ABLIM2: variants seen among roughly 807,000 people sequenced by gnomAD.
ABLIM2 encodes actin binding LIM protein family member 2.
Under a neutral mutation model 97.7 loss-of-function variants are expected in ABLIM2, and 53 were observed. The ratio of observed to expected loss-of-function variants is 0.54; its 90% confidence interval spans 0.44 to 0.68. The LOEUF is 0.68. Ranked by LOEUF, ABLIM2 falls within the 30% of genes least tolerant of loss-of-function variation. The pLI, the probability that ABLIM2 is intolerant of heterozygous loss-of-function variation, is 0.00. For synonymous variants in ABLIM2, 361 were observed against 345.8 expected (o/e 1.04, Z -0.49); for missense variants, 835 against 867.2 (o/e 0.96, Z 0.47).
At chr4:8,156,380 T>A (rs190990630) in intron 1 of ABLIM2, among the ~76,000 whole-genome samples, 227 of 152,304 alleles carry the variant, frequency 1.5e-3, no homozygotes, top group African/African-American at 5.3e-3. Flanking sequence ...AGCTAGGACA[T>A]TGGATTCGGA....
intron 1 of ABLIM2, among the ~76,000 whole-genome samples, chr4:8,146,250 G>T (rs1578519781): frequency 6.6e-6 from 1 of 152,176 alleles, no homozygotes; most frequent in Admixed American, 6.5e-5. Flanking sequence ...AGGGTTTGGT[G>T]GTCAAAATCC....
intron 5 of ABLIM2, among the ~76,000 whole-genome samples, chr4:8,078,220 T>C (rs1292224572): frequency 6.6e-6 from 1 of 152,204 alleles, no homozygotes; most frequent in Non-Finnish European, 1.5e-5. Context: ...CTGGCCTGCA[T>C]CACAGCCCCC....
At chr4:8,056,489 T>C (rs1050837776) in intron 7 of ABLIM2, among the ~76,000 whole-genome samples, 4 of 151,742 alleles carry the variant, frequency 2.6e-5, no homozygotes, top group South Asian at 2.1e-4. Context: ...TTTGTAGAGA[T>C]GGGGTCTCAC....
intron 11 of ABLIM2, among the ~76,000 whole-genome samples, chr4:8,029,086 C>T (rs1779204314): frequency 6.6e-6 from 1 of 151,986 alleles, no homozygotes; most frequent in Non-Finnish European, 1.5e-5. Context: ...AGGCAGGGGA[C>T]AAGGTGACAC....
intron 2 of ABLIM2, among the ~76,000 whole-genome samples, chr4:8,103,037 C>G (rs890345954): frequency 2.0e-5 from 3 of 152,216 alleles, no homozygotes; most frequent in Non-Finnish European, 2.9e-5. Flanking sequence ...GATGTTGGAG[C>G]AACGGCAGCC....
In ABLIM2 at chr4:8,155,771, G is replaced by A. The variant is rs1715103702; in HGVS notation, c.10+2909C>T. Among the ~76,000 whole-genome samples, 1 of 151,646 alleles carries A rather than the reference G, an allele frequency of 6.6e-6. No individual in the cohort carries two copies. The highest frequency in any genetic ancestry group is 2.1e-4 in the South Asian group (1 of 4,812). Reference sequence around the variant, plus strand: ...CACACACAAAGGGAAGACGGGACGAGGACACAGACACACACAAAGGGAAGA... The same window carrying A: ...CACACACAAAGGGAAGACGGGACGAAGACACAGACACACACAAAGGGAAGA... On this transcript the variant is annotated intron_variant, in intron 1 of 20. Coordinates refer to ENST00000447017, the MANE Select transcript of ABLIM2 (RefSeq NM_001130083.2). This position sits in a 1 kb window ranked among gnomAD's most constrained non-coding sequence, Gnocchi z 4.2.
Position 8,127,557 on chromosome 4 carries a change from C to G in ABLIM2, c.11-20920G>C, listed in dbSNP as rs571176509. 11 of 1,289,776 alleles carry G rather than the reference C, an allele frequency of 8.5e-6. No individual in the cohort carries two copies. In the South Asian group the frequency reaches 1.2e-4, roughly 14 times the overall value. 79.9% of individuals were successfully genotyped at this position (1,289,776 alleles called of 1,614,324 possible). Reference sequence around the variant, plus strand: ...AGTTTGGGGATTTACCTGTGTCTCCCCCTGGCACCCCCATGGAGCGTGGCT... The same window carrying G: ...AGTTTGGGGATTTACCTGTGTCTCCGCCTGGCACCCCCATGGAGCGTGGCT... On this transcript the variant is annotated intron_variant, in intron 1 of 20. Coordinates refer to ENST00000447017, the MANE Select transcript of ABLIM2 (RefSeq NM_001130083.2). This position sits in a 1 kb window ranked among gnomAD's most constrained non-coding sequence, Gnocchi z 7.3.
At chr4:8,078,301 G>A (rs1316341) in intron 5 of ABLIM2, among the ~76,000 whole-genome samples, 59,617 of 152,140 alleles carry the variant, frequency 0.39, 12,337 homozygotes, top group South Asian at 0.52. Flanking sequence ...GTGCAGGAAA[G>A]AGCAGGAGGG....
At chr4:7,995,456 G>A (rs1331391343) in intron 16 of ABLIM2, among the ~76,000 whole-genome samples, 1 of 152,234 alleles carries the variant, frequency 6.6e-6, no homozygotes, top group African/African-American at 2.4e-5. Context: ...GCACAGAACT[G>A]CCCACCCGCT....
rs144709621 is a variant in ABLIM2 at position 8,035,539 on chromosome 4, C to T, written c.1047+610G>A. On this transcript the variant is annotated intron_variant, in intron 10 of 20. Coordinates refer to ENST00000447017, the MANE Select transcript of ABLIM2 (RefSeq NM_001130083.2). ...CGCCTCCTCCTACCTCAGGCAGCTG[C>T]GGTCATGTTGAAACCTCAGAACCAC... is the stretch of plus-strand genomic sequence containing the variant. Among the ~76,000 whole-genome samples, 572 of 152,316 alleles carry T rather than the reference C, an allele frequency of 3.8e-3. 3 individuals carry two copies. Among genetic ancestry groups the T allele is most frequent in the South Asian group, 0.012 (57 of 4,830 alleles).
At chr4:8,006,879 G>A (rs1027327156) in intron 16 of ABLIM2, 15 of 370,156 alleles carry the variant, frequency 4.1e-5, no homozygotes, top group Admixed American at 6.5e-5. Context: ...ATTTTTGCAG[G>A]GGGGGGGTGG....
intron 16 of ABLIM2, among the ~76,000 whole-genome samples, chr4:8,000,330 G>T (rs146391731): frequency 6.6e-6 from 1 of 152,092 alleles, no homozygotes; most frequent in Non-Finnish European, 1.5e-5. Context: ...CAGGATCCCC[G>T]TGTGCTCACG....
At chr4:7,988,343 C>T (rs1746076338) in intron 17 of ABLIM2, among the ~76,000 whole-genome samples, 1 of 152,102 alleles carries the variant, frequency 6.6e-6, no homozygotes, top group African/African-American at 2.4e-5. Flanking sequence ...TTCTTACGTG[C>T]CTGTGGCTCT....
rs1797080388 is a variant in ABLIM2, at chr4:8,053,159, C to T, written c.822+1029G>A. Among the ~76,000 whole-genome samples the T allele has an allele frequency of 2.0e-5, 3 of 152,202 alleles. No individual in the cohort carries two copies. The South Asian group carries it at 6.2e-4, about 32-fold the overall frequency. ...TGCCTCCCATTCTATTCAAAGTCAC[C>T]CCTCTGCTCACTGAGATAAGTGCAG... On this transcript the variant is annotated intron_variant, in intron 8 of 20. Coordinates refer to ENST00000447017, the MANE Select transcript of ABLIM2 (RefSeq NM_001130083.2).
chr4:8,089,357 T>C (rs1310490102), intron 3 of ABLIM2, among the ~76,000 whole-genome samples: 1 of 152,184 alleles, frequency 6.6e-6, no homozygotes. Flanking sequence ...CGGGCCACTT[T>C]CCTTCCCCAT....
chr4:8,023,890 G>A lies in ABLIM2; in HGVS notation c.1268-3587C>T, dbSNP rs1775624371. Among the ~76,000 whole-genome samples the A allele has an allele frequency of 6.6e-6, 1 of 152,136 alleles. No homozygotes were observed. The highest frequency in any genetic ancestry group is 2.1e-4 in the South Asian group (1 of 4,800). On this transcript the variant is annotated intron_variant, in intron 12 of 20. Transcript: ENST00000447017. The surrounding 1 kb of genome is among the most constrained non-coding windows in gnomAD (Gnocchi z 5.7). ...GTGGCCCAGTGTGTGCCTGGTGCTG[G>A]CTCAGCTGGCTCCTGTGGAGCCTCC... is the stretch of plus-strand genomic sequence containing the variant.
At chr4:8,104,802 C>T (rs1836431835) in intron 2 of ABLIM2, among the ~76,000 whole-genome samples, 1 of 152,216 alleles carries the variant, frequency 6.6e-6, no homozygotes, top group South Asian at 2.1e-4. Context: ...CCCCTTTTAG[C>T]AGCAGAAGAC....
At chr4:7,982,812 T>A (rs1360423959) in intron 20 of ABLIM2, among the ~76,000 whole-genome samples, 1 of 152,172 alleles carries the variant, frequency 6.6e-6, no homozygotes, top group Non-Finnish European at 1.5e-5. Context: ...CAAGTGATTC[T>A]CTCACCTTAG....
At chr4:8,090,730 C>T (rs576317693) in intron 3 of ABLIM2, among the ~76,000 whole-genome samples, 32 of 150,478 alleles carry the variant, frequency 2.1e-4, no homozygotes, top group Non-Finnish European at 4.0e-4. Context: ...TATTTTTTTG[C>T]GGGATCACAG....
Sources: gnomAD v4.1 joint callset for allele counts (sites outside exome capture counted in the v4.1 genomes callset) on GRCh38, gnomAD v4.1.1 for gene constraint, Gnocchi (gnomAD v3.1) non-coding constraint, MANE v1.5 for transcripts, NCBI Gene and HGNC (gene_info 2026-07-23, HGNC 2026-07-21) for gene names.